RUVBL2: variants seen among roughly 807,000 people sequenced by gnomAD.
The protein encoded by RUVBL2 is RuvB like AAA ATPase 2, also known as ruvB-like 2.
Under a neutral mutation model 57.9 loss-of-function variants are expected in RUVBL2, and 9 were observed. The ratio of observed to expected loss-of-function variants is 0.16; its 90% CI spans 0.09 to 0.27. RUVBL2 has a LOEUF of 0.27. Among genes scored for constraint, RUVBL2 ranks in the 10% least tolerant of loss-of-function variants. The pLI, the probability that RUVBL2 is intolerant of heterozygous loss-of-function variation, is 1.00. For missense variants in RUVBL2, 456 were observed against 669.6 expected (o/e 0.68, Z 3.52); for synonymous variants, 278 against 264.6 (o/e 1.05, Z -0.49).
chr19:49,000,882 G>A (rs1568633859), intron 2 of RUVBL2, among the ~76,000 whole-genome samples: 1 of 152,008 alleles, frequency 6.6e-6, no homozygotes, highest in Admixed American at 6.6e-5. Flanking sequence ...GTATGGCCGG[G>A]CATGATGGGT....
chr19:49,004,139 AAGCAGGG>A, intron 3 of RUVBL2, 131 bp from the exon 4 acceptor site: 2 of 1,033,448 alleles, frequency 1.9e-6, no homozygotes, highest in Non-Finnish European at 2.7e-6. Context: ...AAAAAAAAAA[AAGCAGGG>A]AAAGCTTTTT....
intron 2 of RUVBL2, 64 bp from the exon 3 acceptor site, chr19:49,003,215 G>A (rs1176001295): frequency 6.9e-7 from 1 of 1,452,158 alleles, no homozygotes; most frequent in East Asian, 2.3e-5. Flanking sequence ...GGGCTCAGAG[G>A]GGTCAGGCCA....
At chr19:49,013,532 G>A (rs144158435) in intron 11 of RUVBL2, among the ~76,000 whole-genome samples, 18 of 152,226 alleles carry the variant, frequency 1.2e-4, no homozygotes, top group Admixed American at 7.2e-4. Context: ...CAGACGCTTC[G>A]CTGAGCCCAA....
chr19:49,010,136 T>TGGGTCAAGGGGG, intron 8 of RUVBL2, 70 bp downstream of exon 8: 1 of 1,364,500 alleles, frequency 7.3e-7, no homozygotes, highest in Non-Finnish European at 1.0e-6. Context: ...CATCACCCCC[T>TGGGTCAAGGGGG]TGACCCATGG....
At chr19:48,999,424 C>G (rs759841447) in intron 2 of RUVBL2, 51 bp downstream of exon 2, 16 of 1,595,188 alleles carry the variant, frequency 1.0e-5, no homozygotes, top group Non-Finnish European at 1.3e-5. Context: ...GCCATGTGCC[C>G]TGACAGAGCA....
intron 1 of RUVBL2, among the ~76,000 whole-genome samples, chr19:48,997,501 C>T (rs2039084754): frequency 1.3e-5 from 2 of 151,814 alleles, no homozygotes; most frequent in African/African-American, 4.8e-5. Context: ...TGGTGGCGGA[C>T]ACCTGTAATC....
Position 48,997,422 on chromosome 19 carries a change from A to C in RUVBL2, c.13-1897A>C, listed in dbSNP as rs1302463347. ...GTGGATCACCTGAGGTCAGGAGTTCAAGACCAGCCTGGCCAACATGGTGAA... is the reference window on the plus strand; with the variant it reads ...GTGGATCACCTGAGGTCAGGAGTTCCAGACCAGCCTGGCCAACATGGTGAA... On this transcript the variant is annotated intron_variant, in intron 1 of 14. Coordinates refer to ENST00000595090, the MANE Select transcript of RUVBL2 (RefSeq NM_006666.3). Among the ~76,000 whole-genome samples, 4 of 152,106 alleles carry C rather than the reference A, an allele frequency of 2.6e-5. No homozygotes were observed. The East Asian group carries it at 7.7e-4, about 29-fold the overall frequency.
In RUVBL2 at chr19:49,003,301, A is replaced by G; in HGVS notation, c.90A>G (p.Gly30=). 6.2e-7 allele frequency: 1 copy of G among 1,613,838 alleles called. No homozygotes were observed. The highest frequency in any genetic ancestry group is 8.5e-7 in the Non-Finnish European group (1 of 1,179,926). The part of the protein sequence containing the change: ...ERIGAHSHIR[G]LGLDDALEPR... Reference sequence around the variant, plus strand: ...TAGGTGCCCACTCCCACATCCGGGGACTGGGGCTGGACGATGCCTTGGAGC... The same window carrying G: ...TAGGTGCCCACTCCCACATCCGGGGGCTGGGGCTGGACGATGCCTTGGAGC... Residue 30 remains glycine, a synonymous_variant, in exon 3 of 15, where the codon GGA becomes GGG. Coordinates refer to ENST00000595090, the MANE Select transcript of RUVBL2 (RefSeq NM_006666.3).
chr19:49,015,033 AGAT>A lies in RUVBL2; in HGVS notation c.1136_1138del (p.Asp379del). ...CCACTGCTTGCAGGTGCGAGGAAGA[AGAT>A]GTGGAGATGAGTGAGGACGCCTACA... On this transcript the variant is annotated inframe_deletion, in exon 13 of 15. Coordinates refer to ENST00000595090, the MANE Select transcript of RUVBL2 (RefSeq NM_006666.3). The A allele has an allele frequency of 6.2e-7, 1 of 1,603,726 alleles. No individual in the cohort carries two copies. The highest frequency in any genetic ancestry group is 8.5e-7 in the Non-Finnish European group (1 of 1,175,386).
chr19:48,993,803 A>C (rs2038994191), upstream of RUVBL2: 2 of 1,394,816 alleles, frequency 1.4e-6, no homozygotes, highest in Admixed American at 1.7e-5. Flanking sequence ...TTACATATTT[A>C]TGAGGAACCA....
At chr19:49,002,451 G>A (rs577785907) in intron 2 of RUVBL2, among the ~76,000 whole-genome samples, 53 of 152,204 alleles carry the variant, frequency 3.5e-4, no homozygotes, top group African/African-American at 1.1e-3. Context: ...TTCCCCTCTC[G>A]CTGGCTGTGT....
chr19:49,010,467 T>TTCCCCCCC, intron 8 of RUVBL2, 21 bp from the exon 9 acceptor site: 2 of 1,401,206 alleles, frequency 1.4e-6, no homozygotes, highest in South Asian at 1.2e-5. Flanking sequence ...CCGCCGTTCT[T>TTCCCCCCC]CCCCCACCCC....
At position 49,003,379 on chromosome 19, in the gene RUVBL2, C is replaced by A. The variant is rs541503874; in HGVS notation, c.123+45C>A. ...GGTGTGAGGGCCTCTCCATGAAGGT[C>A]TTGGGTAGTGGGTACCCAGGGTCCT... On this transcript the variant is annotated intron_variant, in intron 3 of 14. Transcript: ENST00000595090. 62 of 1,581,662 alleles carry A rather than the reference C, an allele frequency of 3.9e-5. No individual in the cohort carries two copies. The South Asian group carries it at 6.4e-4, about 16-fold the overall frequency.
At chr19:48,995,787 C>T (rs375197949) in intron 1 of RUVBL2, among the ~76,000 whole-genome samples, 4 of 152,032 alleles carry the variant, frequency 2.6e-5, no homozygotes. Context: ...AGTTTGAGAG[C>T]AGCCTGGCTA....
At chr19:48,997,148 C>T (rs538767570) in intron 1 of RUVBL2, among the ~76,000 whole-genome samples, 14 of 152,222 alleles carry the variant, frequency 9.2e-5, no homozygotes, top group South Asian at 6.2e-4. Context: ...TACCTGTCAC[C>T]GCTAATCCTT....
intron 11 of RUVBL2, among the ~76,000 whole-genome samples, chr19:49,012,624 C>T (rs528185263): frequency 6.6e-6 from 1 of 152,336 alleles, no homozygotes; most frequent in Admixed American, 6.5e-5. Flanking sequence ...GCCCTGCTTT[C>T]GGCAACAAAT....
Position 49,010,582 on chromosome 19 carries a change from G to C in RUVBL2, c.758G>C (p.Arg253Pro). ...CACGAGATCGACGTCATCAACTCTC[G>C]CACCCAGGGCTTCCTGGCGCTCTTC... ...SLHEIDVINS[R>P]TQGFLALFSG... The change falls in exon 9 of 15, where the codon CGC becomes CCC. Residue 253 changes from arginine (R) to proline (P), a missense_variant. Transcript: ENST00000595090. 6.3e-7 allele frequency: 1 copy of C among 1,597,456 alleles called. No individual in the cohort carries two copies. Among genetic ancestry groups the C allele is most frequent in the Admixed American group, 1.7e-5 (1 of 59,074 alleles).
chr19:48,993,713 C>G (rs2038991605), upstream of RUVBL2: 1 of 666,170 alleles, frequency 1.5e-6, no homozygotes. Context: ...GGAATGGACC[C>G]AGGAGTTCCG....
chr19:48,995,949 T>C (rs2039048896), intron 1 of RUVBL2, among the ~76,000 whole-genome samples: 1 of 147,460 alleles, frequency 6.8e-6, no homozygotes, highest in Non-Finnish European at 1.5e-5. Context: ...ATCGCGCCAC[T>C]GCACTCCAGC....
Sources: allele counts gnomAD v4.1 joint callset (sites outside exome capture counted in the v4.1 genomes callset), GRCh38; gene constraint gnomAD v4.1.1; transcripts MANE v1.5; gene names NCBI Gene and HGNC (gene_info 2026-07-23, HGNC 2026-07-21).